TEX11: variants seen among roughly 807,000 people sequenced by gnomAD.
TEX11 encodes testis expressed 11.
A neutral mutation model predicts 84.4 loss-of-function variants in TEX11; 7 were observed. That is an observed-to-expected ratio of 0.08 (90% CI 0.05 to 0.16). TEX11 has a LOEUF of 0.16. Ranked by LOEUF, TEX11 falls within the 10% of genes least tolerant of loss-of-function variation. The probability of loss-of-function intolerance (pLI) is 1.00; values close to 1 mark genes in which losing one functional copy is unlikely to be tolerated. For synonymous variants in TEX11, 264 were observed against 222.8 expected (o/e 1.18, Z -1.64); for missense variants, 551 against 660.5 (o/e 0.83, Z 1.82).
At chrX:70,823,844 TA>T (rs113226372) in intron 8 of TEX11, among the ~76,000 whole-genome samples, 2 of 105,267 alleles carry the variant, frequency 1.9e-5, no homozygotes, top group Non-Finnish European at 2.0e-5. Context: ...CTGTCTCTAC[TA>T]AAAAAAAAAT....
At chrX:70,685,863 C>T (rs1040800222) in intron 13 of TEX11, among the ~76,000 whole-genome samples, 86 of 111,967 alleles carry the variant, frequency 7.7e-4, no homozygotes, top group African/African-American at 2.7e-3. Flanking sequence ...TTGTTGGCCA[C>T]ATAAATGTCT....
downstream of TEX11, among the ~76,000 whole-genome samples, chrX:70,524,023 G>A (rs1255350976): frequency 9.0e-6 from 1 of 111,139 alleles, no homozygotes; most frequent in Non-Finnish European, 1.9e-5. Context: ...TCGAAAATAG[G>A]TAAAGTGTAG....
At chrX:70,556,838 A>T (rs2088292850) in intron 25 of TEX11, among the ~76,000 whole-genome samples, 1 of 111,639 alleles carries the variant, frequency 9.0e-6, no homozygotes, top group Non-Finnish European at 1.9e-5. Context: ...CATCAAAAGG[A>T]ATAAAAACAT....
At chrX:70,901,802 A>G (rs1227682586) in intron 2 of TEX11, among the ~76,000 whole-genome samples, 1 of 112,384 alleles carries the variant, frequency 8.9e-6, no homozygotes, top group East Asian at 2.8e-4. Flanking sequence ...ATAGCCTACT[A>G]CACATCTAGG....
chrX:70,726,112 T>G lies in TEX11; in HGVS notation c.844-769A>C, dbSNP rs368061314. 5.3e-5 allele frequency among the ~76,000 whole-genome samples: 6 copies of G among 112,527 alleles called. No individual in the cohort carries two copies. In the East Asian group the frequency reaches 8.3e-4, roughly 16 times the overall value. On this transcript the variant is annotated intron_variant, in intron 11 of 29. Transcript: ENST00000374333. ...ACTGAAGTTGCCAATTTTGATTTAT[T>G]GCATTACCATCTTTCCTGTAGGTTT...
At chrX:70,553,537 A>G in intron 26 of TEX11, 123 bp from the exon 27 acceptor site, 2 of 419,638 alleles carry the variant, frequency 4.8e-6, no homozygotes, top group South Asian at 1.1e-4. Flanking sequence ...AAAATAAACA[A>G]CAATGAATTT....
chrX:70,732,809 T>C (rs765413849), intron 11 of TEX11, among the ~76,000 whole-genome samples: 19 of 111,571 alleles, frequency 1.7e-4, no homozygotes, highest in African/African-American at 6.2e-4. Context: ...TACTTTAAAG[T>C]TCCTATGGAA....
At chrX:70,622,586 G>C (rs1399215634) in intron 20 of TEX11, among the ~76,000 whole-genome samples, 1 of 111,647 alleles carries the variant, frequency 9.0e-6, no homozygotes, top group Non-Finnish European at 1.9e-5. Flanking sequence ...GTGATACAAA[G>C]ATAAATACAA....
chrX:70,745,727 G>A (rs992236830), intron 9 of TEX11, among the ~76,000 whole-genome samples: 1 of 111,972 alleles, frequency 8.9e-6, no homozygotes, highest in Non-Finnish European at 1.9e-5. Flanking sequence ...GAGTGAAACT[G>A]TGTCTCGAAA....
chrX:70,836,799 C>A (rs780669059), intron 7 of TEX11, among the ~76,000 whole-genome samples: 12 of 111,529 alleles, frequency 1.1e-4, no homozygotes, highest in Non-Finnish European at 2.3e-4. Context: ...GGTGGATCAC[C>A]TGAGGTCAGC....
intron 25 of TEX11, among the ~76,000 whole-genome samples, chrX:70,557,796 A>C (rs769255449): frequency 8.9e-6 from 1 of 111,951 alleles, no homozygotes; most frequent in Non-Finnish European, 1.9e-5. Context: ...AACCAAAACA[A>C]TCTTGAAAAC....
chrX:70,798,143 C>A (rs777695018), intron 9 of TEX11, among the ~76,000 whole-genome samples: 4 of 108,864 alleles, frequency 3.7e-5, no homozygotes, highest in Non-Finnish European at 7.6e-5. Flanking sequence ...CTAATAAATT[C>A]AATAAAGTTG....
chrX:70,634,269 C>G (rs1304484671), intron 17 of TEX11, among the ~76,000 whole-genome samples: 1 of 111,801 alleles, frequency 8.9e-6, no homozygotes, highest in South Asian at 3.7e-4. Flanking sequence ...GAAGACTCAG[C>G]AACGTTGTTA....
rs747228935 is a variant in TEX11 at position 70,757,415 on chromosome X, C to T, written c.693-13196G>A. Among the ~76,000 whole-genome samples the T allele has an allele frequency of 9.8e-5, 11 of 112,036 alleles. No homozygotes were observed. The South Asian group carries it at 2.2e-3, about 23-fold the overall frequency. ...AAAGGGAAGCCCATCAGACTAATAGCGGATCTCTCAGCACAAACCCTACAA... is the reference window on the plus strand; with the variant it reads ...AAAGGGAAGCCCATCAGACTAATAGTGGATCTCTCAGCACAAACCCTACAA... On this transcript the variant is annotated intron_variant, in intron 9 of 29. Transcript: ENST00000374333.
intron 2 of TEX11, among the ~76,000 whole-genome samples, chrX:70,900,323 G>A (rs2147889145): frequency 9.8e-6 from 1 of 101,684 alleles, no homozygotes; most frequent in South Asian, 4.7e-4. Context: ...GGGTCACAGT[G>A]AACAGAGATC....
intron 8 of TEX11, among the ~76,000 whole-genome samples, chrX:70,818,861 T>G (rs2091303912): frequency 9.0e-6 from 1 of 110,898 alleles, no homozygotes; most frequent in Non-Finnish European, 1.9e-5. Context: ...ACTTCTAAAG[T>G]CTTAGAAACA....
intron 13 of TEX11, among the ~76,000 whole-genome samples, chrX:70,686,696 TAA>T (rs11330282): frequency 3.5e-3 from 325 of 92,735 alleles, no homozygotes; most frequent in East Asian, 0.011. Context: ...GAACTTAAAG[TAA>T]AAAAAAAAAA....
intron 9 of TEX11, among the ~76,000 whole-genome samples, chrX:70,749,329 G>A (rs370527284): frequency 1.4e-4 from 15 of 108,753 alleles, no homozygotes; most frequent in African/African-American, 3.0e-4. Flanking sequence ...GGGCTGAGAC[G>A]ATGGGGTTTT....
Position 70,806,774 on chromosome X carries a change from T to A in TEX11, c.623A>T (p.His208Leu). ...RLPQMTSSLHHLCYNFGVETQ... is the reference protein window; with the variant it reads ...RLPQMTSSLHLLCYNFGVETQ... ...TTCTACTCCAAAGTTGTAACAGAGA[T>A]GATGAAGACTTGAAGTCTGCAATAT... is the stretch of plus-strand genomic sequence containing the variant. Residue 208 changes from histidine to leucine, a missense_variant, in exon 9 of 30, where the codon CAT becomes CTT. Coordinates refer to ENST00000374333, the MANE Select transcript of TEX11 (RefSeq NM_031276.3). 1 of 1,173,588 alleles carries A rather than the reference T, an allele frequency of 8.5e-7. No individual in the cohort carries two copies. Among genetic ancestry groups the A allele is most frequent in the Non-Finnish European group, 1.2e-6 (1 of 868,112 alleles).
Sources: allele counts gnomAD v4.1 joint callset (sites outside exome capture counted in the v4.1 genomes callset), GRCh38; gene constraint gnomAD v4.1.1; transcripts MANE v1.5; gene names NCBI Gene and HGNC (gene_info 2026-07-23, HGNC 2026-07-21).